Variants in PCDH9 observed in about 807,000 individuals in gnomAD.
The protein encoded by PCDH9 is protocadherin 9.
PCDH9 carries 24 observed loss-of-function variants against 70.6 expected under a neutral mutation model. The ratio of observed to expected loss-of-function variants is 0.34; its 90% CI spans 0.25 to 0.48. The LOEUF is 0.48. PCDH9 is among the 20% of genes least tolerant of loss of function. The pLI is 0.99. For missense variants in PCDH9, 1,281 were observed against 1,503.6 expected, an observed-to-expected ratio of 0.85 and a Z score of 2.45; for synonymous variants, 562 against 558.5, an observed-to-expected ratio of 1.01 and a Z score of -0.09.
At chr13:66,635,180 C>A (rs2077621474) in intron 3 of PCDH9, among the ~76,000 whole-genome samples, 1 of 152,124 alleles carries the variant, frequency 6.6e-6, no homozygotes, top group African/African-American at 2.4e-5. Flanking sequence ...CAGAGCTGGG[C>A]AGTTACATTT....
At chr13:66,835,819 G>A (rs867197009) in intron 3 of PCDH9, among the ~76,000 whole-genome samples, 25 of 151,880 alleles carry the variant, frequency 1.6e-4, no homozygotes, top group South Asian at 1.5e-3. Context: ...TCCCCATTCC[G>A]TTTAATACAT....
At chr13:66,990,183 A>C (rs1018637750) in intron 2 of PCDH9, among the ~76,000 whole-genome samples, 1 of 151,888 alleles carries the variant, frequency 6.6e-6, no homozygotes, top group East Asian at 1.9e-4. Flanking sequence ...AAACTGGATG[A>C]AGCCTAAATA....
intron 4 of PCDH9, among the ~76,000 whole-genome samples, chr13:66,578,995 A>G (rs537039956): frequency 5.9e-5 from 9 of 152,158 alleles, no homozygotes; most frequent in Admixed American, 5.9e-4. Flanking sequence ...GAGACACACA[A>G]TGTGGGCCTT....
chr13:66,540,696 C>T (rs1028076833), intron 4 of PCDH9, among the ~76,000 whole-genome samples: 4 of 152,118 alleles, frequency 2.6e-5, no homozygotes, highest in Non-Finnish European at 4.4e-5. Context: ...CTGGTTGACC[C>T]CCTTTGGGCA....
chr13:67,086,588 T>G (rs2086112400), intron 2 of PCDH9, among the ~76,000 whole-genome samples: 1 of 152,082 alleles, frequency 6.6e-6, no homozygotes, highest in South Asian at 2.1e-4. Context: ...AAGTAAAATT[T>G]GGATGGAATG....
At chr13:66,626,872 G>A (rs1007720976) in intron 4 of PCDH9, among the ~76,000 whole-genome samples, 1 of 151,648 alleles carries the variant, frequency 6.6e-6, no homozygotes, top group East Asian at 1.9e-4. Flanking sequence ...ATATAAAATC[G>A]ATAATACTAA....
intron 2 of PCDH9, among the ~76,000 whole-genome samples, chr13:67,130,816 G>A (rs973661692): frequency 2.2e-4 from 33 of 151,844 alleles, no homozygotes; most frequent in African/African-American, 6.3e-4. Flanking sequence ...TGTATGCACC[G>A]GTGGGCCCTG....
At chr13:66,720,356 T>A (rs2078926732) in intron 3 of PCDH9, among the ~76,000 whole-genome samples, 1 of 145,312 alleles carries the variant, frequency 6.9e-6, no homozygotes, top group African/African-American at 2.5e-5. Flanking sequence ...AGAGACAGGG[T>A]TTCACCATGT....
At chr13:67,154,605 T>C (rs12872314) in intron 2 of PCDH9, among the ~76,000 whole-genome samples, 1,300 of 93,250 alleles carry the variant, frequency 0.014, 61 homozygotes, top group African/African-American at 0.052. Flanking sequence ...AATATATATA[T>C]ACACACACAC....
intron 2 of PCDH9, among the ~76,000 whole-genome samples, chr13:67,079,799 G>A (rs1204501776): frequency 1.3e-5 from 2 of 152,142 alleles, no homozygotes; most frequent in African/African-American, 4.8e-5. Flanking sequence ...TCTGAAGGCT[G>A]TCACCTATGA....
intron 2 of PCDH9, among the ~76,000 whole-genome samples, chr13:67,157,109 C>T (rs2087833624): frequency 6.6e-6 from 1 of 152,164 alleles, no homozygotes; most frequent in South Asian, 2.1e-4. Flanking sequence ...ATCCCTGATG[C>T]TTCGATCAAT....
intron 4 of PCDH9, among the ~76,000 whole-genome samples, chr13:66,555,674 C>A (rs1398598958): frequency 1.1e-5 from 1 of 93,132 alleles, no homozygotes; most frequent in Non-Finnish European, 2.5e-5. Context: ...CCTCTATTAT[C>A]TAAGACAATA....
chr13:66,647,841 T>C (rs142963033), intron 3 of PCDH9, among the ~76,000 whole-genome samples: 1 of 151,864 alleles, frequency 6.6e-6, no homozygotes, highest in Non-Finnish European at 1.5e-5. Context: ...GAAGGGAGTG[T>C]CTCATACTCA....
chr13:67,051,046 T>C (rs2085311748), intron 2 of PCDH9, among the ~76,000 whole-genome samples: 1 of 152,172 alleles, frequency 6.6e-6, no homozygotes, highest in Non-Finnish European at 1.5e-5. Flanking sequence ...TGAATTATAT[T>C]AATGGCCACA....
At chr13:66,920,309 A>C (rs1407376301) in intron 2 of PCDH9, among the ~76,000 whole-genome samples, 4 of 151,156 alleles carry the variant, frequency 2.6e-5, no homozygotes, top group Non-Finnish European at 5.9e-5. Flanking sequence ...GTAAAAAAGG[A>C]AAAGCTTAAC....
intron 4 of PCDH9, among the ~76,000 whole-genome samples, chr13:66,548,991 T>A (rs985485894): frequency 6.6e-6 from 1 of 152,256 alleles, no homozygotes; most frequent in Admixed American, 6.5e-5. Flanking sequence ...ATTTGGATAA[T>A]TAATTCAAGG....
chr13:66,642,303 T>C (rs1441465841), intron 3 of PCDH9, among the ~76,000 whole-genome samples: 2 of 152,096 alleles, frequency 1.3e-5, no homozygotes, highest in African/African-American at 2.4e-5. Flanking sequence ...AATTCTGATA[T>C]ATGTTATAGT....
chr13:66,635,044 C>G (rs1036224376), intron 3 of PCDH9, among the ~76,000 whole-genome samples: 2 of 152,104 alleles, frequency 1.3e-5, no homozygotes, highest in African/African-American at 4.8e-5. Context: ...TACTTACTGC[C>G]TCCAAAAATT....
At chr13:66,373,448 C>A (rs1956694368) in intron 4 of PCDH9, among the ~76,000 whole-genome samples, 1 of 151,842 alleles carries the variant, frequency 6.6e-6, no homozygotes, top group Non-Finnish European at 1.5e-5. Flanking sequence ...TTTAACACTA[C>A]TGAACTATAT....
Sources: gnomAD v4.1 joint callset for allele counts (sites outside exome capture counted in the v4.1 genomes callset) on GRCh38, gnomAD v4.1.1 for gene constraint, MANE v1.5 for transcripts, NCBI Gene and HGNC (gene_info 2026-07-23, HGNC 2026-07-21) for gene names.